The following HIF1A variants were observed in gnomAD, a reference collection of about 807,000 sequenced individuals.
HIF1A encodes hypoxia inducible factor 1 subunit alpha, also known as hypoxia-inducible factor 1-alpha.
HIF1A carries 24 observed loss-of-function variants against 92.7 expected under a neutral mutation model. That is an observed-to-expected ratio of 0.26 (90% CI 0.19 to 0.36). The LOEUF (loss-of-function observed/expected upper bound fraction) is 0.36, where lower values mean the gene tolerates loss of function less well. Ranked by LOEUF, HIF1A falls within the 10% of genes least tolerant of loss-of-function variation. The pLI is 1.00. For missense variants in HIF1A, 799 were observed against 998.5 expected, an observed-to-expected ratio of 0.80 and a Z score of 2.69; for synonymous variants, 319 against 338.7, an observed-to-expected ratio of 0.94 and a Z score of 0.64.
intron 6 of HIF1A, among the ~76,000 whole-genome samples, chr14:61,731,469 T>A (rs2044574741): frequency 6.6e-6 from 1 of 152,244 alleles, no homozygotes; most frequent in African/African-American, 2.4e-5. Context: ...TATTTTCATT[T>A]GAAATATTGT....
intron 8 of HIF1A, among the ~76,000 whole-genome samples, chr14:61,735,006 T>G (rs2044619040): frequency 6.6e-6 from 1 of 152,238 alleles, no homozygotes; most frequent in African/African-American, 2.4e-5. Context: ...CTCTTTGGCT[T>G]GTGAATATTA....
At chr14:61,727,724 A>G in intron 6 of HIF1A, 69 bp downstream of exon 6, 1 of 1,197,046 alleles carries the variant, frequency 8.4e-7, no homozygotes, top group Non-Finnish European at 1.2e-6. Context: ...TATTCACCAT[A>G]GCAAAGATTC....
rs778073377 is a variant in HIF1A at position 61,720,373 on chromosome 14, G to A, written c.36-9G>A. 1.5e-5 allele frequency: 24 copies of A among 1,593,014 alleles called. 2 individuals carry two copies. Among genetic ancestry groups the A allele is most frequent in the Non-Finnish European group, 2.0e-5 (24 of 1,170,928 alleles). On this transcript the variant is annotated splice_polypyrimidine_tract_variant and intron_variant, in intron 1 of 14. Transcript: ENST00000337138. ...TCCATCTCGTGTTTTTCTTGTTGTT[G>A]TTAAGTAGGATAAGTTCTGAACGTC...
chr14:61,714,080 TA>T (rs1180042145), intron 1 of HIF1A, among the ~76,000 whole-genome samples: 1 of 152,146 alleles, frequency 6.6e-6, no homozygotes, highest in African/African-American at 2.4e-5. Flanking sequence ...TTTAGATTTA[TA>T]AAAATAGAAT....
intron 1 of HIF1A, chr14:61,715,504 A>G (rs1439038120): frequency 6.6e-6 from 1 of 152,224 alleles, no homozygotes; most frequent in Non-Finnish European, 1.5e-5. Context: ...AACATAGTCT[A>G]GTGTTAATCG....
intron 1 of HIF1A, among the ~76,000 whole-genome samples, chr14:61,707,304 GTTTT>G (rs11335043): frequency 6.6e-6 from 1 of 151,170 alleles, no homozygotes; most frequent in Non-Finnish European, 1.5e-5. Flanking sequence ...AGCATTCTGT[GTTTT>G]TTTTTTCTTT....
intron 1 of HIF1A, among the ~76,000 whole-genome samples, chr14:61,715,187 A>G (rs2044350191): frequency 6.6e-6 from 1 of 152,230 alleles, no homozygotes; most frequent in South Asian, 2.1e-4. Flanking sequence ...CTCTTTCGCC[A>G]TAATGATTGG....
chr14:61,703,540 C>T lies in HIF1A; in HGVS notation c.35+7701C>T, dbSNP rs571548512. 1.1e-4 allele frequency among the ~76,000 whole-genome samples: 17 copies of T among 152,084 alleles called. 1 individual carries two copies. In the South Asian group the frequency reaches 3.1e-3, roughly 28 times the overall value. ...TTGCTCTATTTGCATGCTGGCCTTA[C>T]TCTGCCACTGACAGGCTGTCTGTAT... On this transcript the variant is annotated intron_variant, in intron 1 of 14. Transcript: ENST00000337138.
At position 61,720,423 on chromosome 14, in the gene HIF1A, C is replaced by G; in HGVS notation, c.77C>G (p.Ala26Gly). 6.2e-7 allele frequency: 1 copy of G among 1,612,910 alleles called. No homozygotes were observed. The change falls in exon 2 of 15, where the codon GCC becomes GGC. Residue 26 changes from alanine (A) to glycine (G), a missense_variant. By Grantham distance (60) the Ala-to-Gly change is moderately conservative. Coordinates refer to ENST00000337138, the MANE Select transcript of HIF1A (RefSeq NM_001530.4). The part of the protein sequence containing the change: ...ERRKEKSRDA[A>G]RSRRSKESEV... ...CGAAAAGAAAAGTCTCGAGATGCAG[C>G]CAGATCTCGGCGAAGTAAAGAATCT...
chr14:61,747,080 A>G lies in HIF1A; in HGVS notation c.2476A>G (p.Asn826Asp), dbSNP rs759636243. 28 of 1,603,462 alleles carry G rather than the reference A, an allele frequency of 1.7e-5. No individual in the cohort carries two copies. Among genetic ancestry groups the G allele is most frequent in the Non-Finnish European group, 2.4e-5 (28 of 1,177,278 alleles). Residue 826 changes from asparagine to aspartate, a missense_variant, in exon 15 of 15, where the codon AAC becomes GAC. Asn to Asp is a conservative substitution (Grantham distance 23). This residue lies in a region of HIF1A where 283 missense variants were observed against 277.5 expected (regional missense o/e 1.02). Coordinates refer to ENST00000337138, the MANE Select transcript of HIF1A (RefSeq NM_001530.4). ...ATTACTCAGAGCTTTGGATCAAGTT[A>G]ACTGAGCTTTTTCTTAATTTCATTC... The part of the protein sequence containing the change: ...EELLRALDQV[N>D]
rs762201418 is a variant in HIF1A at position 61,740,933 on chromosome 14, ATGCCACCACTACCAC to A, written c.1849_1863del (p.Thr617_Thr621del). On this transcript the variant is annotated inframe_deletion, in exon 12 of 15. Coordinates refer to ENST00000337138, the MANE Select transcript of HIF1A (RefSeq NM_001530.4). The stretch of plus-strand genomic sequence containing the variant: ...ACTCAAATACAAGAACCTACTGCTA[ATGCCACCACTACCAC>A]TGCCACCACTGATGAATTAAAAACA... 2.5e-6 allele frequency: 4 copies of A among 1,614,200 alleles called. No homozygotes were observed. The South Asian group carries it at 3.3e-5, about 13-fold the overall frequency.
chr14:61,724,348 A>AG (rs968141018), intron 4 of HIF1A, among the ~76,000 whole-genome samples: 9 of 18,590 alleles, frequency 4.8e-4, no homozygotes, highest in South Asian at 1.6e-3. Flanking sequence ...ACACACACAC[A>AG]TTCTCTCTCT....
rs1026312234 is a variant in HIF1A at position 61,747,095 on chromosome 14, T to C, written c.*10T>C. 7 of 1,596,724 alleles carry C rather than the reference T, an allele frequency of 4.4e-6. No homozygotes were observed. The highest frequency in any genetic ancestry group is 6.0e-6 in the Non-Finnish European group (7 of 1,174,984). ...GGATCAAGTTAACTGAGCTTTTTCT[T>C]AATTTCATTCCTTTTTTTGGACACT... On this transcript the variant is annotated 3_prime_UTR_variant, in exon 15 of 15. Coordinates refer to ENST00000337138, the MANE Select transcript of HIF1A (RefSeq NM_001530.4).
chr14:61,745,504 G>A, intron 13 of HIF1A, 187 bp from the exon 14 acceptor site: 1 of 610,374 alleles, frequency 1.6e-6, no homozygotes. Flanking sequence ...TAAATTAACT[G>A]GAAAGTATTT....
intron 1 of HIF1A, among the ~76,000 whole-genome samples, chr14:61,707,370 T>C (rs948208256): frequency 8.5e-5 from 13 of 152,152 alleles, no homozygotes; most frequent in African/African-American, 2.9e-4. Flanking sequence ...GTTAGTTACA[T>C]ATGTATACAT....
chr14:61,702,479 T>C (rs1050872197), intron 1 of HIF1A, among the ~76,000 whole-genome samples: 2 of 107,506 alleles, frequency 1.9e-5, no homozygotes, highest in Non-Finnish European at 2.3e-5. Context: ...GTTTTAATTC[T>C]TTAGTTCCCT....
At chr14:61,724,375 C>CTCTCTCTCTCTCTCTCTCTCTCTCTT (rs1447656747) in intron 4 of HIF1A, among the ~76,000 whole-genome samples, 7 of 150,584 alleles carry the variant, frequency 4.6e-5, no homozygotes, top group African/African-American at 1.7e-4. Context: ...CTCTCTCTCT[C>CTCTCTCTCTCTCTCTCTCTCTCTCTT]TCTCTCCCCC....
At chr14:61,697,710 TTAA>T (rs1178738655) in intron 1 of HIF1A, 6 of 1,276,950 alleles carry the variant, frequency 4.7e-6, no homozygotes, top group African/African-American at 1.5e-5. Context: ...AGTTAAACAC[TTAA>T]TAAGTGGTGG....
At position 61,745,949 on chromosome 14, in the gene HIF1A, C is replaced by T. The variant is rs117350360; in HGVS notation, c.2329+132C>T. 15,439 of 769,924 alleles carry T rather than the reference C, an allele frequency of 0.02. 242 individuals carry two copies. The highest frequency in any genetic ancestry group is 0.029 in the Middle Eastern group (90 of 3,094). The allele number at this position is 769,924 out of a possible 1,614,324, so 47.7% of individuals were successfully genotyped here. On this transcript the variant is annotated intron_variant, in intron 14 of 14. Transcript: ENST00000337138. ...ATTAAAAAGTAAAGTTGTGGCTGGG[C>T]GCGGTGGCTCACACCTGTAATCCCA...
Sources: gnomAD v4.1 joint callset for allele counts (sites outside exome capture counted in the v4.1 genomes callset) on GRCh38, gnomAD v4.1.1 for gene constraint, gnomAD v4.1.1 regional missense constraint, MANE v1.5 for transcripts, NCBI Gene and HGNC (gene_info 2026-07-23, HGNC 2026-07-21) for gene names.